PPM1L: variants seen among roughly 807,000 people sequenced by gnomAD.
PPM1L encodes protein phosphatase, Mg2+/Mn2+ dependent 1L, also known as protein phosphatase 1L.
A neutral mutation model predicts 31.4 loss-of-function variants in PPM1L; 13 were observed. That is an observed-to-expected ratio of 0.41 (90% confidence interval 0.27 to 0.66). The LOEUF is 0.66. PPM1L is among the 30% of genes least tolerant of loss of function. The pLI, the probability that PPM1L is intolerant of heterozygous loss-of-function variation, is 0.29. For missense variants in PPM1L, 326 were observed against 453.7 expected (o/e 0.72, Z 2.56); for synonymous variants, 184 against 175.4 (o/e 1.05, Z -0.39).
intron 2 of PPM1L, among the ~76,000 whole-genome samples, chr3:161,023,764 T>A (rs1016230438): frequency 7.9e-5 from 12 of 152,306 alleles, no homozygotes; most frequent in African/African-American, 2.9e-4. Context: ...TACTATTAGT[T>A]TTTTATCCCT....
At position 161,046,797 on chromosome 3, in the gene PPM1L, A is replaced by G. The variant is rs570697436; in HGVS notation, c.575-18606A>G. Among the ~76,000 whole-genome samples, 54 of 152,346 alleles carry G rather than the reference A, an allele frequency of 3.5e-4. 1 individual carries two copies. The South Asian group carries it at 5.2e-3, about 15-fold the overall frequency. ...AGGCTGGTTCAACATACGCAAATCA[A>G]TAAACGTAATCCAGCATATAAACAG... On this transcript the variant is annotated intron_variant, in intron 2 of 3. Coordinates refer to ENST00000498165, the MANE Select transcript of PPM1L (RefSeq NM_139245.4).
intron 1 of PPM1L, among the ~76,000 whole-genome samples, chr3:160,821,520 TA>T (rs1279483799): frequency 6.6e-6 from 1 of 152,092 alleles, no homozygotes; most frequent in Non-Finnish European, 1.5e-5. Flanking sequence ...ATGTAATCCT[TA>T]AGAAATCTTT....
At position 160,903,201 on chromosome 3, in the gene PPM1L, T is replaced by TGTG. The variant is rs1553819675; in HGVS notation, c.400-58533_400-58532insGGT. Among the ~76,000 whole-genome samples, 766 of 88,422 alleles carry TGTG rather than the reference T, an allele frequency of 8.7e-3. 3 individuals are homozygous for TGTG. Among genetic ancestry groups the TGTG allele is most frequent in the Middle Eastern group, 0.054 (8 of 148 alleles). 58.0% of individuals were successfully genotyped at this position (88,422 alleles called of 152,430 possible). A position where few individuals can be genotyped will look rare whatever the true frequency, so the allele number is the denominator to read the frequency against. ...TGTGTGTGTGTGTGTGTGGTATGTG[T>TGTG]GTATGTTTGTGTGTGTGTGTGTGTG... On this transcript the variant is annotated intron_variant, in intron 1 of 3. Transcript: ENST00000498165.
Position 161,069,273 on chromosome 3 carries a change from C to T in PPM1L, c.*116C>T, listed in dbSNP as rs1358525342. 1.0e-4 allele frequency: 80 copies of T among 796,086 alleles called. No individual in the cohort carries two copies. In the East Asian group the frequency reaches 2.0e-3, roughly 20 times the overall value. 49.3% of individuals were successfully genotyped at this position (796,086 alleles called of 1,614,324 possible). A position where few individuals can be genotyped will look rare whatever the true frequency, so the allele number is the denominator to read the frequency against. ...GGATCATCCACCCCAGACATGGAAT[C>T]CCCCCTCCCTGGTGGTCTTAGGTCT... On this transcript the variant is annotated 3_prime_UTR_variant, in exon 4 of 4. Transcript: ENST00000498165.
intron 2 of PPM1L, among the ~76,000 whole-genome samples, chr3:161,003,761 G>A (rs1191021683): frequency 6.6e-6 from 1 of 152,024 alleles, no homozygotes; most frequent in East Asian, 1.9e-4. Context: ...GGGTTTTCTA[G>A]ATATACAATC....
intron 1 of PPM1L, among the ~76,000 whole-genome samples, chr3:160,931,978 G>GGAGTC (rs765520137): frequency 4.4e-4 from 60 of 135,714 alleles, no homozygotes; most frequent in Non-Finnish European, 8.4e-4. Flanking sequence ...CTCTTGCAGA[G>GGAGTC]GAGTCATTCT....
intron 2 of PPM1L, among the ~76,000 whole-genome samples, chr3:161,055,663 T>G (rs1405703033): frequency 2.0e-5 from 3 of 152,076 alleles, no homozygotes; most frequent in Admixed American, 6.5e-5. Flanking sequence ...TTGGCTGTTG[T>G]AACACCTTCA....
intron 2 of PPM1L, among the ~76,000 whole-genome samples, chr3:160,985,316 GA>G (rs1716930590): frequency 6.6e-6 from 1 of 152,148 alleles, no homozygotes; most frequent in South Asian, 2.1e-4. Context: ...GCGTAACCAA[GA>G]TTGAGAACTG....
rs866261848 is a variant in PPM1L, at chr3:161,024,655, G to C, written c.575-40748G>C. On this transcript the variant is annotated intron_variant, in intron 2 of 3. Transcript: ENST00000498165. ...AAAGGTTGTGGTCAGCTGAGATCAC[G>C]CCATTACACTCCAGCCTGGGCAACA... Among the ~76,000 whole-genome samples, 9 of 150,242 alleles carry C rather than the reference G, an allele frequency of 6.0e-5. No individual in the cohort carries two copies. The South Asian group carries it at 1.0e-3, about 17-fold the overall frequency.
chr3:160,893,210 G>A (rs908285940), intron 1 of PPM1L, among the ~76,000 whole-genome samples: 3 of 152,114 alleles, frequency 2.0e-5, no homozygotes, highest in Non-Finnish European at 2.9e-5. Flanking sequence ...TGTTAGAAAT[G>A]TTAACATCTC....
rs985411488 is a variant in PPM1L at position 161,074,998 on chromosome 3, C to T, written c.*5841C>T. 5 of 151,958 alleles carry T rather than the reference C, an allele frequency of 3.3e-5. No homozygotes were observed. The highest frequency in any genetic ancestry group is 2.1e-4 in the South Asian group (1 of 4,816). The allele number at this position is 151,958 out of a possible 1,614,324, so 9.4% of individuals were successfully genotyped here. The stretch of plus-strand genomic sequence containing the variant: ...AATCCAAGTTAATCTCAAAAACCTC[C>T]GAGGACATTGAGCACAAGCAGATTA... On this transcript the variant is annotated 3_prime_UTR_variant, in exon 4 of 4. Transcript: ENST00000498165.
chr3:160,948,724 G>T (rs1261014653), intron 1 of PPM1L, among the ~76,000 whole-genome samples: 1 of 152,126 alleles, frequency 6.6e-6, no homozygotes, highest in East Asian at 1.9e-4. Flanking sequence ...TAAAAAAGCT[G>T]TGGCACTGAG....
Position 160,908,161 on chromosome 3 carries a change from T to A in PPM1L, c.400-53575T>A, listed in dbSNP as rs895593105. On this transcript the variant is annotated intron_variant, in intron 1 of 3. Coordinates refer to ENST00000498165, the MANE Select transcript of PPM1L (RefSeq NM_139245.4). ...TGTAAAAGTTTTGAGTTTTGGTTAG[T>A]CTTTCTACTCAAATGGCCCCATAAT... 2.0e-5 allele frequency among the ~76,000 whole-genome samples: 3 copies of A among 152,240 alleles called. No homozygotes were observed. The East Asian group carries it at 5.8e-4, about 29-fold the overall frequency.
At chr3:160,954,517 C>G (rs1041309412) in intron 1 of PPM1L, among the ~76,000 whole-genome samples, 2 of 151,956 alleles carry the variant, frequency 1.3e-5, no homozygotes, top group East Asian at 3.9e-4. Flanking sequence ...TGCGTGCCAT[C>G]ACGCCTGGCT....
intron 2 of PPM1L, among the ~76,000 whole-genome samples, chr3:161,031,862 CT>C (rs1193677950): frequency 1.3e-5 from 2 of 152,134 alleles, no homozygotes; most frequent in Non-Finnish European, 2.9e-5. Context: ...GCCAATTTAA[CT>C]TACCCGCTAA....
In PPM1L at chr3:161,075,528, G is replaced by A. The variant is rs757923664; in HGVS notation, c.*6371G>A. The A allele has an allele frequency of 1.3e-5, 2 of 152,188 alleles. No individual in the cohort carries two copies. Among genetic ancestry groups the A allele is most frequent in the Non-Finnish European group, 2.9e-5 (2 of 68,032 alleles). 9.4% of individuals were successfully genotyped at this position (152,188 alleles called of 1,614,324 possible). A position where few individuals can be genotyped will look rare whatever the true frequency, so the allele number is the denominator to read the frequency against. Reference sequence around the variant, plus strand: ...TTAATTTTAAAGCTTCCTTTTGTAGGACTGATGGCACGGGCAGAATCACAT... The same window carrying A: ...TTAATTTTAAAGCTTCCTTTTGTAGAACTGATGGCACGGGCAGAATCACAT... On this transcript the variant is annotated 3_prime_UTR_variant, in exon 4 of 4. Transcript: ENST00000498165.
At chr3:160,826,827 A>G (rs1713367650) in intron 1 of PPM1L, among the ~76,000 whole-genome samples, 1 of 152,194 alleles carries the variant, frequency 6.6e-6, no homozygotes, top group Non-Finnish European at 1.5e-5. Flanking sequence ...AAGAATTTTT[A>G]TTAGAACTGT....
At chr3:160,794,867 A>C (rs1712203898) in intron 1 of PPM1L, among the ~76,000 whole-genome samples, 1 of 152,226 alleles carries the variant, frequency 6.6e-6, no homozygotes, top group African/African-American at 2.4e-5. Context: ...CCTGGGCTGC[A>C]TGTGGCCCAC....
chr3:160,800,090 GA>G (rs956105840), intron 1 of PPM1L, among the ~76,000 whole-genome samples: 5 of 151,848 alleles, frequency 3.3e-5, no homozygotes, highest in African/African-American at 4.8e-5. Flanking sequence ...AGTTTTTCAA[GA>G]AAAAAAGTGC....
Sources: gnomAD v4.1 joint callset for allele counts (sites outside exome capture counted in the v4.1 genomes callset) on GRCh38, gnomAD v4.1.1 for gene constraint, MANE v1.5 for transcripts, NCBI Gene and HGNC (gene_info 2026-07-23, HGNC 2026-07-21) for gene names.